The following WDR20 variants were observed in gnomAD, a reference collection of about 807,000 sequenced individuals.
WDR20 encodes the protein WD repeat-containing protein 20.
In WDR20, 3 loss-of-function variants were observed where a neutral mutation model predicts 38.7. The observed-to-expected ratio is 0.08, with a 90% CI of 0.04 to 0.20. WDR20 has a LOEUF of 0.20. Ranked by LOEUF, WDR20 falls within the 10% of genes least tolerant of loss-of-function variation. WDR20 has a pLI of 1.00. For missense variants in WDR20, 559 were observed against 727.7 expected (o/e 0.77, Z 2.67); for synonymous variants, 298 against 285.6 (o/e 1.04, Z -0.44).
chr14:102,165,124 G>T (rs1386582302), intron 1 of WDR20, among the ~76,000 whole-genome samples: 2 of 152,072 alleles, frequency 1.3e-5, no homozygotes, highest in Non-Finnish European at 2.9e-5. Context: ...AGTCGTGGGT[G>T]TGGTCATTTT....
Position 102,146,315 on chromosome 14 carries a change from C to G in WDR20, c.249+6143C>G, listed in dbSNP as rs541796657. 3.3e-5 allele frequency among the ~76,000 whole-genome samples: 5 copies of G among 152,246 alleles called. No individual in the cohort carries two copies. In the South Asian group the frequency reaches 8.3e-4, roughly 25 times the overall value. On this transcript the variant is annotated intron_variant, in intron 1 of 2. Transcript: ENST00000342702. ...AAGTAGCTGGGATTACAGGCACTTG[C>G]CACCATGCCCAGCTAATTTTTGTAT...
At chr14:102,204,729 A>G (rs2061189980) in intron 2 of WDR20, among the ~76,000 whole-genome samples, 1 of 152,196 alleles carries the variant, frequency 6.6e-6, no homozygotes, top group Non-Finnish European at 1.5e-5. Context: ...AAAATCATAA[A>G]TGTATATATC....
At chr14:102,218,393 G>A (rs2063483004), downstream of WDR20, among the ~76,000 whole-genome samples, 1 of 152,210 alleles carries the variant, frequency 6.6e-6, no homozygotes, top group Admixed American at 6.5e-5. Flanking sequence ...AGAGCTAGGA[G>A]ACCGTCCAGG....
At chr14:102,188,713 A>T (rs541544259) in intron 1 of WDR20, among the ~76,000 whole-genome samples, 37 of 145,514 alleles carry the variant, frequency 2.5e-4, no homozygotes, top group East Asian at 1.0e-3. Flanking sequence ...ACAGAAAATT[A>T]AAAAAAAAAA....
At chr14:102,201,988 T>C (rs1596801123) in intron 2 of WDR20, among the ~76,000 whole-genome samples, 1 of 152,018 alleles carries the variant, frequency 6.6e-6, no homozygotes, top group Admixed American at 6.5e-5. Context: ...ACCAGAGCCT[T>C]CCTGCCTCTG....
intron 1 of WDR20, among the ~76,000 whole-genome samples, chr14:102,153,202 T>C (rs1377977155): frequency 1.3e-5 from 2 of 152,132 alleles, no homozygotes; most frequent in Non-Finnish European, 2.9e-5. Flanking sequence ...CCCTTCACCT[T>C]CTGCCATGAT....
chr14:102,219,409 C>G (rs1348794929), downstream of WDR20, among the ~76,000 whole-genome samples: 2 of 152,232 alleles, frequency 1.3e-5, no homozygotes, highest in Non-Finnish European at 2.9e-5. Context: ...CTGTGTCGCA[C>G]CCCCTGCTTC....
rs780805292 is a variant in WDR20 at position 102,208,679 on chromosome 14, C to T, written c.509C>T (p.Ser170Leu). The T allele has an allele frequency of 1.4e-5, 22 of 1,614,100 alleles. No individual in the cohort carries two copies. The highest frequency in any genetic ancestry group is 6.7e-5 in the East Asian group (3 of 44,874). The change falls in exon 3 of 3, where the codon TCG (serine) becomes TTG (leucine). Residue 170 changes from serine (S) to leucine (L), a missense_variant. Coordinates refer to ENST00000342702, the MANE Select transcript of WDR20 (RefSeq NM_144574.4). This position sits in a 1 kb window ranked among gnomAD's most constrained non-coding sequence, Gnocchi z 5.6. Reference sequence around the variant, plus strand: ...GAAAGCCTTTTCCTAGTAGCCCACTCGAGTGGGAACATGTACTTATATAAT... The same window carrying T: ...GAAAGCCTTTTCCTAGTAGCCCACTTGAGTGGGAACATGTACTTATATAAT... ...GSESLFLVAH[S>L]SGNMYLYNVE...
At chr14:102,159,173 G>T (rs1226032212) in intron 1 of WDR20, among the ~76,000 whole-genome samples, 2 of 151,992 alleles carry the variant, frequency 1.3e-5, no homozygotes, top group Non-Finnish European at 2.9e-5. Context: ...TTGAACTCCT[G>T]GGCTCCAGTG....
chr14:102,188,449 G>T (rs962913580), intron 1 of WDR20, among the ~76,000 whole-genome samples: 12 of 152,316 alleles, frequency 7.9e-5, no homozygotes, highest in African/African-American at 2.9e-4. Context: ...GCATGAACTG[G>T]AACTGGAGGG....
rs561776237 is a variant in WDR20, at chr14:102,172,730, C to T, written c.250-22208C>T. On this transcript the variant is annotated intron_variant, in intron 1 of 2. Coordinates refer to ENST00000342702, the MANE Select transcript of WDR20 (RefSeq NM_144574.4). ...CGGGGGCTGACCCCCACCTCCCTCC[C>T]GGACGGGGCGGCTGCCGGGCGGAGA... 5.1e-4 allele frequency among the ~76,000 whole-genome samples: 75 copies of T among 147,968 alleles called. No homozygotes were observed. In the Middle Eastern group the frequency reaches 0.011, roughly 22 times the overall value.
At position 102,210,388 on chromosome 14, in the gene WDR20, A is replaced by G. The variant is rs2062311753; in HGVS notation, c.*508A>G. The stretch of plus-strand genomic sequence containing the variant: ...TCTATGAAATTTAACTTTAGGAACA[A>G]AACGTTTAGCAGGGTTGATTGATAT... On this transcript the variant is annotated 3_prime_UTR_variant, in exon 3 of 3. Coordinates refer to ENST00000342702, the MANE Select transcript of WDR20 (RefSeq NM_144574.4). 4.1e-6 allele frequency: 4 copies of G among 985,558 alleles called. No homozygotes were observed. The highest frequency in any genetic ancestry group is 4.8e-6 in the Non-Finnish European group (4 of 830,058). 61.1% of individuals were successfully genotyped at this position (985,558 alleles called of 1,614,324 possible).
At position 102,189,872 on chromosome 14, in the gene WDR20, ATGT is replaced by A. The variant is rs143055089; in HGVS notation, c.250-5062_250-5060del. ...AATCATATAAGTGATTAAATATTAA[ATGT>A]TGTGGAATGAATTAAGTACTTGAGA... On this transcript the variant is annotated intron_variant, in intron 1 of 2. Transcript: ENST00000342702. Among the ~76,000 whole-genome samples, 417 of 152,342 alleles carry A rather than the reference ATGT, an allele frequency of 2.7e-3. 2 individuals are homozygous for A. Among genetic ancestry groups the A allele is most frequent in the African/African-American group, 9.3e-3 (386 of 41,578 alleles).
intron 1 of WDR20, among the ~76,000 whole-genome samples, chr14:102,171,140 C>T (rs148746855): frequency 0.015 from 2,330 of 151,356 alleles, 67 homozygotes; most frequent in African/African-American, 0.054. Flanking sequence ...TTAGTAGTGA[C>T]GGTGTTTCAC....
intron 1 of WDR20, among the ~76,000 whole-genome samples, chr14:102,186,905 G>A (rs1305588167): frequency 1.3e-5 from 2 of 151,618 alleles, no homozygotes; most frequent in South Asian, 2.1e-4. Flanking sequence ...AGCCGAGATC[G>A]TGCCACTGCA....
chr14:102,177,610 A>G (rs1596342256), intron 1 of WDR20, among the ~76,000 whole-genome samples: 1 of 152,184 alleles, frequency 6.6e-6, no homozygotes, highest in East Asian at 1.9e-4. Flanking sequence ...GTTCAGCTCA[A>G]ATCTGTCTCT....
At chr14:102,219,796 C>G (rs1392207917), downstream of WDR20, among the ~76,000 whole-genome samples, 2 of 152,238 alleles carry the variant, frequency 1.3e-5, no homozygotes, top group Non-Finnish European at 2.9e-5. Flanking sequence ...AAGGGCGAAG[C>G]CTGCTAACGG....
In WDR20 at chr14:102,220,841, T is replaced by G. The variant is rs563320640; in HGVS notation, c.1693-1989T>G. Among the ~76,000 whole-genome samples the G allele has an allele frequency of 6.6e-6, 1 of 152,148 alleles. No homozygotes were observed. Among genetic ancestry groups the G allele is most frequent in the South Asian group, 2.1e-4 (1 of 4,822 alleles). ...AGGCTGGAGTGCAGTGGATCGCGGCTCATTGCACCCTGCATCTCCTGGGCT... is the reference window on the plus strand; with the variant it reads ...AGGCTGGAGTGCAGTGGATCGCGGCGCATTGCACCCTGCATCTCCTGGGCT... On this transcript the variant is annotated intron_variant, in intron 3 of 3. Transcript: ENST00000335263. This position sits in a 1 kb window ranked among gnomAD's most constrained non-coding sequence, Gnocchi z 4.2.
At chr14:102,154,238 A>G (rs768958820) in intron 1 of WDR20, among the ~76,000 whole-genome samples, 1 of 152,186 alleles carries the variant, frequency 6.6e-6, no homozygotes, top group Non-Finnish European at 1.5e-5. Flanking sequence ...ACACAATACC[A>G]TAGATTAGGT....
Sources: gnomAD v4.1 joint callset for allele counts (sites outside exome capture counted in the v4.1 genomes callset) on GRCh38, gnomAD v4.1.1 for gene constraint, Gnocchi (gnomAD v3.1) non-coding constraint, MANE v1.5 for transcripts, NCBI Gene and HGNC (gene_info 2026-07-23, HGNC 2026-07-21) for gene names.